Variants in HOMER2 observed in about 807,000 individuals in gnomAD.
HOMER2 encodes the protein homer protein homolog 2.
A neutral mutation model predicts 47.0 loss-of-function variants in HOMER2; 27 were observed. The ratio of observed to expected loss-of-function variants is 0.57; its 90% CI spans 0.42 to 0.79. The LOEUF is 0.79. Among genes scored for constraint, HOMER2 ranks in the 30% least tolerant of loss-of-function variants. HOMER2 has a pLI of 0.00. For missense variants in HOMER2, 443 were observed against 435.0 expected, an observed-to-expected ratio of 1.02 and a Z score of -0.16; for synonymous variants, 161 against 163.8, an observed-to-expected ratio of 0.98 and a Z score of 0.13.
At position 82,973,417 on chromosome 15, in the gene HOMER2, A is replaced by G. The variant is rs544706051; in HGVS notation, n.82+12370T>C. 2.6e-5 allele frequency among the ~76,000 whole-genome samples: 4 copies of G among 152,346 alleles called. No homozygotes were observed. In the East Asian group the frequency reaches 5.8e-4, roughly 22 times the overall value. On this transcript the variant is annotated intron_variant and non_coding_transcript_variant, in intron 1 of 1. Coordinates refer to the HOMER2 transcript ENST00000500334. ...AGAGAGGGATAATATGTAGCCAGGT[A>G]GGTTGTTGTGAGAATGAGTAAATAT...
chr15:82,945,819 A>C (rs1264796507), intron 1 of HOMER2, among the ~76,000 whole-genome samples: 6 of 152,030 alleles, frequency 3.9e-5, no homozygotes, highest in Admixed American at 1.3e-4. Context: ...AAATACAAAA[A>C]ATTAGCCGGG....
At chr15:82,873,582 G>A (rs920245270) in intron 3 of HOMER2, among the ~76,000 whole-genome samples, 7 of 152,210 alleles carry the variant, frequency 4.6e-5, no homozygotes, top group Admixed American at 2.6e-4. Context: ...CAGAGAGGAC[G>A]TCTCCCATAA....
intron 1 of HOMER2, among the ~76,000 whole-genome samples, chr15:82,932,485 A>G (rs1010584342): frequency 2.0e-5 from 3 of 151,726 alleles, no homozygotes; most frequent in African/African-American, 7.3e-5. Context: ...TGGGCAACAC[A>G]GCAAGACTCT....
At position 82,849,792 on chromosome 15, in the gene HOMER2, G is replaced by T. The variant is rs1025789166; in HGVS notation, c.955C>A (p.Leu319Met). The T allele has an allele frequency of 6.2e-7, 1 of 1,613,854 alleles. No homozygotes were observed. Among genetic ancestry groups the T allele is most frequent in the Non-Finnish European group, 8.5e-7 (1 of 1,179,894 alleles). Residue 319 changes from leucine to methionine, a missense_variant, in exon 9 of 9, where the codon CTG (leucine) becomes ATG (methionine). Physicochemically the swap from Leu to Met is conservative, Grantham distance 15. Coordinates refer to ENST00000450735, the MANE Select transcript of HOMER2 (RefSeq NM_004839.4). ...TCAATCTTCCCGTCCAGCACCTCCA[G>T]GAAGCTCTTCAACTCCACCTTCAGG... Reference protein sequence around the residue: ...RHLKVELKSFLEVLDGKIDDL... With the variant: ...RHLKVELKSFMEVLDGKIDDL...
rs1210030681 is a variant in HOMER2, at chr15:82,875,411, A to G, written c.163-7T>C. On this transcript the variant is annotated splice_polypyrimidine_tract_variant and splice_region_variant and intron_variant, in intron 2 of 8. Transcript: ENST00000450735. The stretch of plus-strand genomic sequence containing the variant: ...TTGTGCTGTTTATGATCACCTGCAG[A>G]AAAACAGCCCAAAGAGTGAAAATTT... 1.2e-6 allele frequency: 2 copies of G among 1,613,568 alleles called. No individual in the cohort carries two copies. The highest frequency in any genetic ancestry group is 1.7e-5 in the Admixed American group (1 of 59,958).
chr15:82,974,283 A>T (rs900606182), intron 1 of HOMER2, among the ~76,000 whole-genome samples: 8 of 151,964 alleles, frequency 5.3e-5, no homozygotes, highest in African/African-American at 1.9e-4. Flanking sequence ...ACGTGTCTGT[A>T]GTCCCAGCCA....
At chr15:82,958,127 G>A (rs1021724241), downstream of HOMER2, 17 of 152,088 alleles carry the variant, frequency 1.1e-4, 1 homozygote, top group African/African-American at 3.1e-4. Context: ...GTGAGCCACC[G>A]AGCCCGGCCT....
At chr15:82,860,956 TGAGAGAGAGA>T (rs56063630) in intron 4 of HOMER2, among the ~76,000 whole-genome samples, 7 of 42,386 alleles carry the variant, frequency 1.7e-4, no homozygotes, top group Non-Finnish European at 2.9e-4. Context: ...AGATAGAAGA[TGAGAGAGAGA>T]GAGAGAGAGA....
chr15:82,959,999 C>T (rs1017747367), intron 1 of HOMER2, among the ~76,000 whole-genome samples: 6 of 152,258 alleles, frequency 3.9e-5, no homozygotes, highest in African/African-American at 9.6e-5. Context: ...TATTTGCCTC[C>T]GATTGGCAGC....
At chr15:82,865,675 T>C (rs2151637741) in intron 3 of HOMER2, among the ~76,000 whole-genome samples, 1 of 152,360 alleles carries the variant, frequency 6.6e-6, no homozygotes, top group South Asian at 2.1e-4. Context: ...ATCCCCATGC[T>C]GTGTGCAGTC....
At chr15:82,909,188 A>G (rs189441217) in intron 1 of HOMER2, among the ~76,000 whole-genome samples, 2 of 152,308 alleles carry the variant, frequency 1.3e-5, no homozygotes, top group African/African-American at 2.4e-5. Flanking sequence ...CCATTTGGCT[A>G]TGTTGGAAGT....
At chr15:82,970,143 C>G (rs1793852480) in intron 1 of HOMER2, among the ~76,000 whole-genome samples, 1 of 152,220 alleles carries the variant, frequency 6.6e-6, no homozygotes, top group Non-Finnish European at 1.5e-5. Flanking sequence ...ATTGCACATG[C>G]AGAGTATGCA....
chr15:82,893,553 G>A (rs1033384252), intron 1 of HOMER2, among the ~76,000 whole-genome samples: 11 of 151,028 alleles, frequency 7.3e-5, no homozygotes, highest in African/African-American at 1.7e-4. Flanking sequence ...GGCTGGTCTC[G>A]AACTCCTGAC....
At chr15:82,836,193 A>C (rs892111818), downstream of HOMER2, 1 of 152,266 alleles carries the variant, frequency 6.6e-6, no homozygotes, top group Non-Finnish European at 1.5e-5. Context: ...TTTTCCAGCC[A>C]AGCCTTGAAG....
intron 5 of HOMER2, among the ~76,000 whole-genome samples, chr15:82,857,356 A>C (rs1335807652): frequency 6.7e-6 from 1 of 148,672 alleles, no homozygotes; most frequent in Admixed American, 6.7e-5. Context: ...TTTGTTGTTT[A>C]AGCCACCCAG....
chr15:82,915,891 G>T (rs872599), intron 1 of HOMER2, among the ~76,000 whole-genome samples: 76,263 of 152,068 alleles, frequency 0.5, 19,563 homozygotes, highest in African/African-American at 0.59. Context: ...AATTAAGTAT[G>T]ATATATCCGT....
chr15:82,938,615 A>G (rs1423034041), intron 1 of HOMER2, among the ~76,000 whole-genome samples: 2 of 152,062 alleles, frequency 1.3e-5, no homozygotes, highest in East Asian at 1.9e-4. Flanking sequence ...ACAAACATCA[A>G]TGGTCCTTCT....
At chr15:82,931,028 T>A (rs1367195643) in intron 1 of HOMER2, among the ~76,000 whole-genome samples, 1 of 151,072 alleles carries the variant, frequency 6.6e-6, no homozygotes, top group Non-Finnish European at 1.5e-5. Flanking sequence ...GCTCTTGGGC[T>A]CCCTCAGTTG....
chr15:82,860,955 A>AAGAGAGAGAGAGAGAGAGAGAGAG (rs1555420258), intron 4 of HOMER2, among the ~76,000 whole-genome samples: 2 of 71,134 alleles, frequency 2.8e-5, no homozygotes, highest in South Asian at 4.3e-4. Flanking sequence ...AAGATAGAAG[A>AAGAGAGAGAGAGAGAGAGAGAGAG]TGAGAGAGAG....
Sources: allele counts gnomAD v4.1 joint callset (sites outside exome capture counted in the v4.1 genomes callset), GRCh38; gene constraint gnomAD v4.1.1; transcripts MANE v1.5; gene names NCBI Gene and HGNC (gene_info 2026-07-23, HGNC 2026-07-21).